KAZN: variants seen among roughly 807,000 people sequenced by gnomAD.
KAZN encodes kazrin.
KAZN carries 40 observed loss-of-function variants against 87.4 expected under a neutral mutation model. That is an observed-to-expected ratio of 0.46 (90% CI 0.36 to 0.60). The LOEUF (loss-of-function observed/expected upper bound fraction) is 0.60, where lower values mean the gene tolerates loss of function less well. KAZN is among the 20% of genes least tolerant of loss of function. KAZN has a pLI of 0.00. For synonymous variants in KAZN, 466 were observed against 458.3 expected (o/e 1.02, Z -0.22); for missense variants, 898 against 1,073.9 (o/e 0.84, Z 2.29).
intron 2 of KAZN, among the ~76,000 whole-genome samples, chr1:14,493,896 C>A (rs1669807266): frequency 6.6e-6 from 1 of 152,168 alleles, no homozygotes; most frequent in African/African-American, 2.4e-5. Context: ...CCTTTCAATA[C>A]TTCTTTGTCT....
chr1:14,997,787 A>G (rs1405299887), intron 2 of KAZN, among the ~76,000 whole-genome samples: 2 of 152,136 alleles, frequency 1.3e-5, no homozygotes, highest in African/African-American at 2.4e-5. Context: ...CCTGGGGTCC[A>G]CTGGGGCCTC....
chr1:14,743,437 A>AT, intron 1 of KAZN, among the ~76,000 whole-genome samples: 1 of 151,846 alleles, frequency 6.6e-6, no homozygotes, highest in South Asian at 2.1e-4. Context: ...CTCAAAAAAA[A>AT]AAAAAAGTAC....
intron 1 of KAZN, among the ~76,000 whole-genome samples, chr1:14,727,542 C>T (rs1030383548): frequency 6.7e-5 from 9 of 135,026 alleles, no homozygotes; most frequent in South Asian, 2.5e-4. Context: ...TGCAATGGCA[C>T]GATCTCGGCA....
intron 1 of KAZN, among the ~76,000 whole-genome samples, chr1:14,747,832 A>G (rs765580848): frequency 2.0e-5 from 3 of 152,220 alleles, no homozygotes; most frequent in Non-Finnish European, 4.4e-5. Context: ...CCAGCAATGC[A>G]TAAGGGTTCT....
At chr1:14,440,678 A>G (rs1300131249) in intron 2 of KAZN, among the ~76,000 whole-genome samples, 1 of 152,244 alleles carries the variant, frequency 6.6e-6, no homozygotes, top group Non-Finnish European at 1.5e-5. Flanking sequence ...AAACATTATT[A>G]GGAATTTCAA....
chr1:14,507,826 G>A (rs985179820), intron 2 of KAZN, among the ~76,000 whole-genome samples: 1 of 151,956 alleles, frequency 6.6e-6, no homozygotes, highest in African/African-American at 2.4e-5. Context: ...AATTAGTCGG[G>A]CACGGTGACG....
chr1:14,425,162 T>A (rs1007329006), intron 2 of KAZN, among the ~76,000 whole-genome samples: 1 of 152,184 alleles, frequency 6.6e-6, no homozygotes, highest in Non-Finnish European at 1.5e-5. Flanking sequence ...TGAACCCAGC[T>A]GGGCAGGGGC....
chr1:14,296,629 CTTTTTTTTTT>C (rs775666706), intron 2 of KAZN, among the ~76,000 whole-genome samples: 6 of 82,764 alleles, frequency 7.2e-5, no homozygotes, highest in African/African-American at 2.9e-4. Flanking sequence ...TTTTGTATTT[CTTTTTTTTTT>C]TTTTTTTTTT....
chr1:14,024,485 G>C (rs1382702059), intron 1 of KAZN, among the ~76,000 whole-genome samples: 2 of 152,222 alleles, frequency 1.3e-5, no homozygotes, highest in Non-Finnish European at 2.9e-5. Flanking sequence ...TAATTTGCTG[G>C]TATCATGTTC....
At chr1:14,629,521 C>T (rs1416507402) in intron 1 of KAZN, among the ~76,000 whole-genome samples, 1 of 152,200 alleles carries the variant, frequency 6.6e-6, no homozygotes, top group African/African-American at 2.4e-5. Context: ...CATGCAGCAA[C>T]TCGGGTGAGG....
chr1:14,290,041 G>T (rs1653557689), intron 2 of KAZN, among the ~76,000 whole-genome samples: 1 of 152,220 alleles, frequency 6.6e-6, no homozygotes, highest in African/African-American at 2.4e-5. Context: ...TCTGCTGAGA[G>T]ATCTGCTGTT....
At chr1:14,275,189 A>C (rs1652251510) in intron 2 of KAZN, among the ~76,000 whole-genome samples, 1 of 152,094 alleles carries the variant, frequency 6.6e-6, no homozygotes. Context: ...CCCTCTCCCC[A>C]CCAGGGAAGC....
At chr1:14,529,268 C>G (rs1485355649) in intron 2 of KAZN, among the ~76,000 whole-genome samples, 1 of 152,194 alleles carries the variant, frequency 6.6e-6, no homozygotes, top group African/African-American at 2.4e-5. Context: ...CGCGCCATTG[C>G]ACCCCAGCCT....
At chr1:15,073,442 C>A (rs1375475418) in intron 8 of KAZN, among the ~76,000 whole-genome samples, 1 of 152,150 alleles carries the variant, frequency 6.6e-6, no homozygotes, top group Non-Finnish European at 1.5e-5. Flanking sequence ...AGGGCCATCA[C>A]AAGGTAGGTT....
chr1:15,046,518 G>A (rs1673559584), intron 4 of KAZN, among the ~76,000 whole-genome samples: 1 of 152,176 alleles, frequency 6.6e-6, no homozygotes, highest in Non-Finnish European at 1.5e-5. Context: ...AACCCACGTT[G>A]TTCAAGAGTG....
At chr1:14,246,553 T>C (rs1649532492) in intron 2 of KAZN, among the ~76,000 whole-genome samples, 1 of 152,168 alleles carries the variant, frequency 6.6e-6, no homozygotes, top group Non-Finnish European at 1.5e-5. Context: ...TATAACACAC[T>C]TATGAAAGAT....
At chr1:14,232,551 C>T (rs1647964660) in intron 2 of KAZN, among the ~76,000 whole-genome samples, 1 of 152,130 alleles carries the variant, frequency 6.6e-6, no homozygotes. Context: ...TCTCACTTTG[C>T]CTTCTCTTAA....
intron 2 of KAZN, among the ~76,000 whole-genome samples, chr1:14,546,565 G>C (rs1187574251): frequency 6.6e-6 from 1 of 151,912 alleles, no homozygotes; most frequent in Non-Finnish European, 1.5e-5. Flanking sequence ...CAAGGAAGCT[G>C]GCAACTTCTC....
chr1:14,331,171 T>C (rs1374786337), intron 2 of KAZN, among the ~76,000 whole-genome samples: 1 of 151,972 alleles, frequency 6.6e-6, no homozygotes, highest in Non-Finnish European at 1.5e-5. Flanking sequence ...GTGGAAGTGG[T>C]GGTTTTGGGC....
Sources: gnomAD v4.1 joint callset for allele counts (sites outside exome capture counted in the v4.1 genomes callset) on GRCh38, gnomAD v4.1.1 for gene constraint, MANE v1.5 for transcripts, NCBI Gene and HGNC (gene_info 2026-07-23, HGNC 2026-07-21) for gene names.